Variants in CSMD1 observed in about 807,000 individuals in gnomAD.
The protein encoded by CSMD1 is CUB and sushi domain-containing protein 1.
In CSMD1, 213 loss-of-function variants were observed where a neutral mutation model predicts 417.5. The observed-to-expected ratio is 0.51, with a 90% CI of 0.46 to 0.57. The LOEUF is 0.57. Among genes scored for constraint, CSMD1 ranks in the 20% least tolerant of loss-of-function variants. The pLI is 0.00. For synonymous variants in CSMD1, 2,862 were observed against 1,736.8 expected, an observed-to-expected ratio of 1.65 and a Z score of -16.11; for missense variants, 6,923 against 4,529.7, an observed-to-expected ratio of 1.53 and a Z score of -15.17.
At chr8:4,874,800 G>A (rs1295586754) in intron 1 of CSMD1, among the ~76,000 whole-genome samples, 3 of 149,056 alleles carry the variant, frequency 2.0e-5, no homozygotes, top group Non-Finnish European at 3.0e-5. Context: ...TTTTGTGTGT[G>A]TATATATATA....
At position 3,728,477 on chromosome 8, in the gene CSMD1, G is replaced by C. The variant is rs921927669; in HGVS notation, c.932-19986C>G. 3.3e-5 allele frequency among the ~76,000 whole-genome samples: 5 copies of C among 152,218 alleles called. No individual in the cohort carries two copies. In the East Asian group the frequency reaches 7.7e-4, roughly 23 times the overall value. ...ATTCTGTGTTAGGTTTATCGTAACA[G>C]AGTAGCAAATAATAAGTAAAATAAT... On this transcript the variant is annotated intron_variant, in intron 6 of 69. Coordinates refer to ENST00000635120, the MANE Select transcript of CSMD1 (RefSeq NM_033225.6).
chr8:3,388,615 T>C (rs1325115404), intron 17 of CSMD1, among the ~76,000 whole-genome samples: 1 of 152,222 alleles, frequency 6.6e-6, no homozygotes, highest in Non-Finnish European at 1.5e-5. Flanking sequence ...GCATATGTTT[T>C]ATTTTTCCAA....
chr8:3,537,762 A>T (rs997084105), intron 10 of CSMD1, among the ~76,000 whole-genome samples: 1 of 152,210 alleles, frequency 6.6e-6, no homozygotes, highest in Admixed American at 6.5e-5. Flanking sequence ...TTAGGACAGT[A>T]AAACAAGAAC....
intron 3 of CSMD1, among the ~76,000 whole-genome samples, chr8:4,275,175 G>C (rs540065638): frequency 6.6e-6 from 1 of 151,774 alleles, no homozygotes; most frequent in South Asian, 2.1e-4. Context: ...CATTTTCTGG[G>C]GTTTTTTCTT....
chr8:3,313,232 C>G (rs10217079), intron 23 of CSMD1, among the ~76,000 whole-genome samples: 30,996 of 152,068 alleles, frequency 0.2, 3,796 homozygotes, highest in Admixed American at 0.27. Flanking sequence ...GTCTAAAACA[C>G]CAAAAGCAAT....
chr8:3,105,644 T>G (rs923118235), intron 46 of CSMD1, among the ~76,000 whole-genome samples: 1 of 152,256 alleles, frequency 6.6e-6, no homozygotes, highest in African/African-American at 2.4e-5. Context: ...GGTCTACATA[T>G]GTTAAACATA....
chr8:3,345,851 C>T (rs1316951881), intron 22 of CSMD1, among the ~76,000 whole-genome samples: 1 of 152,056 alleles, frequency 6.6e-6, no homozygotes, highest in Admixed American at 6.5e-5. Context: ...GAAACTATAC[C>T]CTGCAGATTT....
intron 5 of CSMD1, among the ~76,000 whole-genome samples, chr8:3,995,035 T>A (rs1815095758): frequency 1.3e-5 from 2 of 152,164 alleles, no homozygotes; most frequent in Admixed American, 6.5e-5. Context: ...CCCGTCCCTG[T>A]CTATGCAATT....
chr8:3,397,389 C>T (rs1811768122), intron 16 of CSMD1, among the ~76,000 whole-genome samples: 1 of 152,184 alleles, frequency 6.6e-6, no homozygotes, highest in Admixed American at 6.5e-5. Context: ...AACCAAAGGG[C>T]TGTGTCCTGT....
intron 10 of CSMD1, among the ~76,000 whole-genome samples, chr8:3,553,492 C>G (rs10100847): frequency 0.48 from 72,695 of 152,000 alleles, 17,807 homozygotes; most frequent in East Asian, 0.55. Context: ...ATTCCTAAGA[C>G]AGCTGCGTCA....
intron 1 of CSMD1, among the ~76,000 whole-genome samples, chr8:4,838,016 G>A (rs1021758564): frequency 6.6e-6 from 1 of 152,180 alleles, no homozygotes; most frequent in African/African-American, 2.4e-5. Context: ...TGTTCTATGG[G>A]CCCAGGAGCT....
intron 2 of CSMD1, among the ~76,000 whole-genome samples, chr8:4,594,195 CTTTTTTTT>C (rs771415822): frequency 2.2e-5 from 2 of 92,374 alleles, no homozygotes; most frequent in African/African-American, 4.3e-5. Context: ...CTAAAGTGAT[CTTTTTTTT>C]TTTTTTTTTT....
intron 54 of CSMD1, among the ~76,000 whole-genome samples, chr8:2,994,145 C>CAAAAAAAAAAAAAAAAAAAAA (rs35438493): frequency 2.9e-4 from 9 of 30,520 alleles, no homozygotes; most frequent in African/African-American, 9.5e-4. Flanking sequence ...AACTCCATCT[C>CAAAAAAAAAAAAAAAAAAAAA]AAAAAAAAAA....
intron 11 of CSMD1, among the ~76,000 whole-genome samples, chr8:3,488,921 A>AT (rs145441065): frequency 3.9e-4 from 59 of 152,118 alleles, no homozygotes; most frequent in African/African-American, 8.2e-4. Context: ...ATGTTTTCTG[A>AT]TTTTTTTAAA....
chr8:3,515,586 T>G (rs575896605), intron 10 of CSMD1, among the ~76,000 whole-genome samples: 1 of 152,196 alleles, frequency 6.6e-6, no homozygotes, highest in Non-Finnish European at 1.5e-5. Context: ...AAGTTTAGAA[T>G]GTTTCCAACA....
At chr8:3,849,984 T>G (rs948698227) in intron 5 of CSMD1, among the ~76,000 whole-genome samples, 1 of 141,092 alleles carries the variant, frequency 7.1e-6, no homozygotes, top group Non-Finnish European at 1.5e-5. Context: ...CTCGGCTAAT[T>G]TGTGTATTTT....
At chr8:4,212,756 T>G (rs1403322072) in intron 3 of CSMD1, among the ~76,000 whole-genome samples, 2 of 110,314 alleles carry the variant, frequency 1.8e-5, no homozygotes, top group Non-Finnish European at 2.0e-5. Flanking sequence ...TTATTCTTTT[T>G]TTTTTTTTTT....
At chr8:3,848,528 A>G (rs551439996) in intron 5 of CSMD1, among the ~76,000 whole-genome samples, 11 of 152,316 alleles carry the variant, frequency 7.2e-5, no homozygotes, top group African/African-American at 2.4e-4. Context: ...CTGAGAAGTT[A>G]CTTAATTTAC....
At chr8:4,232,212 T>G (rs572786144) in intron 3 of CSMD1, among the ~76,000 whole-genome samples, 244 of 152,354 alleles carry the variant, frequency 1.6e-3, no homozygotes, top group African/African-American at 5.7e-3. Flanking sequence ...TTATTTATTT[T>G]TAAGACAGAG....
Sources: allele counts gnomAD v4.1 joint callset (sites outside exome capture counted in the v4.1 genomes callset), GRCh38; gene constraint gnomAD v4.1.1; transcripts MANE v1.5; gene names NCBI Gene and HGNC (gene_info 2026-07-23, HGNC 2026-07-21).